The following DPP10 variants were observed in gnomAD, a reference collection of about 807,000 sequenced individuals.
DPP10 encodes the protein dipeptidyl peptidase like 10, also known as inactive dipeptidyl peptidase 10.
Under a neutral mutation model 120.9 loss-of-function variants are expected in DPP10, and 33 were observed. The ratio of observed to expected loss-of-function variants is 0.27; its 90% confidence interval spans 0.21 to 0.37. The LOEUF (loss-of-function observed/expected upper bound fraction) is 0.37, where lower values mean the gene tolerates loss of function less well. Among genes scored for constraint, DPP10 ranks in the 10% least tolerant of loss-of-function variants. The pLI is 1.00. For missense variants in DPP10, 816 were observed against 942.8 expected, an observed-to-expected ratio of 0.87 and a Z score of 1.76; for synonymous variants, 337 against 326.1, an observed-to-expected ratio of 1.03 and a Z score of -0.36.
intron 1 of DPP10, chr2:115,050,323 G>A (rs1509748): frequency 0.97 from 147,358 of 152,236 alleles, 71,524 homozygotes; most frequent in Middle Eastern, 1. Flanking sequence ...TTCTAGTACA[G>A]GTAATCAGTG....
At chr2:115,790,038 A>T (rs939730454) in intron 17 of DPP10, among the ~76,000 whole-genome samples, 1 of 151,900 alleles carries the variant, frequency 6.6e-6, no homozygotes, top group Non-Finnish European at 1.5e-5. Flanking sequence ...ATGCAAACAT[A>T]TATGTGAATG....
chr2:114,603,438 C>T (rs569293590), intron 1 of DPP10, among the ~76,000 whole-genome samples: 31 of 152,060 alleles, frequency 2.0e-4, no homozygotes, highest in East Asian at 3.9e-4. Context: ...ACCATAACGT[C>T]GGGATTACTT....
intron 1 of DPP10, among the ~76,000 whole-genome samples, chr2:114,825,426 G>T (rs1255601545): frequency 6.6e-6 from 1 of 152,108 alleles, no homozygotes; most frequent in East Asian, 1.9e-4. Context: ...CTGAGTCACT[G>T]GGCAACTGGG....
chr2:115,165,771 G>C (rs2052789060), intron 1 of DPP10, among the ~76,000 whole-genome samples: 1 of 152,248 alleles, frequency 6.6e-6, no homozygotes, highest in South Asian at 2.1e-4. Context: ...AAGCGTGGCT[G>C]TTCTCTCAGC....
At chr2:114,863,161 G>T (rs1483093617) in intron 1 of DPP10, among the ~76,000 whole-genome samples, 1 of 152,122 alleles carries the variant, frequency 6.6e-6, no homozygotes, top group Admixed American at 6.5e-5. Flanking sequence ...TGCTCTATGT[G>T]TCCCCTTGAA....
At chr2:115,034,445 A>T (rs1338517451) in intron 1 of DPP10, among the ~76,000 whole-genome samples, 2 of 152,194 alleles carry the variant, frequency 1.3e-5, no homozygotes, top group East Asian at 3.9e-4. Flanking sequence ...TATTACAAAC[A>T]GTACAGTGGA....
At chr2:115,145,252 G>C (rs2051158231) in intron 1 of DPP10, among the ~76,000 whole-genome samples, 1 of 152,056 alleles carries the variant, frequency 6.6e-6, no homozygotes, top group Non-Finnish European at 1.5e-5. Flanking sequence ...TACAGTATCA[G>C]GCAGAATAGT....
intron 1 of DPP10, among the ~76,000 whole-genome samples, chr2:114,643,190 A>T (rs1448844332): frequency 6.6e-6 from 1 of 151,940 alleles, no homozygotes; most frequent in Admixed American, 6.5e-5. Flanking sequence ...TGTACCAGTC[A>T]TATGGCTATT....
intron 4 of DPP10, among the ~76,000 whole-genome samples, chr2:115,518,145 G>A (rs1191855455): frequency 3.3e-5 from 5 of 152,138 alleles, no homozygotes; most frequent in Non-Finnish European, 7.4e-5. Context: ...CATTCATGAG[G>A]AAGCCTGTCC....
At chr2:115,796,446 A>G (rs1377045824) in intron 19 of DPP10, among the ~76,000 whole-genome samples, 1 of 152,152 alleles carries the variant, frequency 6.6e-6, no homozygotes, top group Admixed American at 6.6e-5. Context: ...ACATCAATGA[A>G]TAAGTAAACA....
intron 1 of DPP10, among the ~76,000 whole-genome samples, chr2:114,935,866 T>G (rs1470690279): frequency 1.3e-5 from 2 of 150,828 alleles, no homozygotes; most frequent in African/African-American, 4.9e-5. Context: ...ACTGAAGGTT[T>G]TTTTTTTTTT....
intron 1 of DPP10, among the ~76,000 whole-genome samples, chr2:115,261,714 T>C (rs1050452430): frequency 1.3e-5 from 2 of 152,226 alleles, no homozygotes; most frequent in African/African-American, 4.8e-5. Context: ...CTATGAAGTT[T>C]TTCTCATCAC....
intron 3 of DPP10, among the ~76,000 whole-genome samples, chr2:115,455,927 A>G (rs977974154): frequency 3.3e-5 from 5 of 152,206 alleles, no homozygotes; most frequent in Admixed American, 6.5e-5. Flanking sequence ...CATGACTAAA[A>G]CACTAAAAGC....
intron 5 of DPP10, among the ~76,000 whole-genome samples, chr2:115,682,928 A>G (rs1411860008): frequency 1.3e-5 from 2 of 151,912 alleles, no homozygotes; most frequent in African/African-American, 2.4e-5. Context: ...TGTGATGCCT[A>G]CTAGACCCAA....
At chr2:115,017,917 A>G (rs1702774148) in intron 1 of DPP10, among the ~76,000 whole-genome samples, 1 of 151,930 alleles carries the variant, frequency 6.6e-6, no homozygotes, top group Admixed American at 6.6e-5. Context: ...ACGAGTTAAT[A>G]GGTGCAGCAC....
intron 5 of DPP10, among the ~76,000 whole-genome samples, chr2:115,653,900 G>T (rs1339989300): frequency 6.6e-6 from 1 of 151,774 alleles, no homozygotes; most frequent in Non-Finnish European, 1.5e-5. Flanking sequence ...TTTTATTGTT[G>T]TGAATGCTAT....
At chr2:115,639,017 ATGT>A (rs2086572577) in intron 5 of DPP10, among the ~76,000 whole-genome samples, 1 of 152,098 alleles carries the variant, frequency 6.6e-6, no homozygotes, top group Non-Finnish European at 1.5e-5. Context: ...CTGTAGGAAG[ATGT>A]TGTCTTTGGT....
chr2:115,689,821 A>C lies in DPP10; in HGVS notation c.495-19A>C. The C allele has an allele frequency of 6.2e-7, 1 of 1,606,828 alleles. No individual in the cohort carries two copies. The highest frequency in any genetic ancestry group is 8.5e-7 in the Non-Finnish European group (1 of 1,176,984). ...TAGATATCAGTTTGTTCATGTAAAA[A>C]TATTCACATTTTTTCAAGGGAAGTT... is the stretch of plus-strand genomic sequence containing the variant. On this transcript the variant is annotated intron_variant, in intron 6 of 25. Coordinates refer to ENST00000410059, the MANE Select transcript of DPP10 (RefSeq NM_020868.6).
At chr2:115,000,854 G>A (rs1018249223) in intron 1 of DPP10, among the ~76,000 whole-genome samples, 1 of 152,050 alleles carries the variant, frequency 6.6e-6, no homozygotes, top group African/African-American at 2.4e-5. Context: ...GCCAAACTTA[G>A]TTCAGGCTTA....
Sources: gnomAD v4.1 joint callset for allele counts (sites outside exome capture counted in the v4.1 genomes callset) on GRCh38, gnomAD v4.1.1 for gene constraint, MANE v1.5 for transcripts, NCBI Gene and HGNC (gene_info 2026-07-23, HGNC 2026-07-21) for gene names.